Variants in ROR1 observed in about 807,000 individuals in gnomAD.
ROR1 encodes inactive tyrosine-protein kinase transmembrane receptor ROR1.
A neutral mutation model predicts 78.8 loss-of-function variants in ROR1; 19 were observed. The ratio of observed to expected loss-of-function variants is 0.24; its 90% confidence interval spans 0.17 to 0.35. ROR1 has a LOEUF of 0.35. Ranked by LOEUF, ROR1 falls within the 10% of genes least tolerant of loss-of-function variation. The probability of loss-of-function intolerance (pLI) is 1.00; values close to 1 mark genes in which losing one functional copy is unlikely to be tolerated. For missense variants in ROR1, 917 were observed against 1,177.8 expected (o/e 0.78, Z 3.24); for synonymous variants, 386 against 433.6 (o/e 0.89, Z 1.36).
intron 1 of ROR1, among the ~76,000 whole-genome samples, chr1:63,866,581 C>T (rs1460744325): frequency 6.6e-6 from 1 of 152,088 alleles, no homozygotes; most frequent in African/African-American, 2.4e-5. Context: ...AGCTTTCCTC[C>T]TTCCCTTGAA....
At chr1:64,143,462 G>C in intron 7 of ROR1, 6 of 958,334 alleles carry the variant, frequency 6.3e-6, no homozygotes, top group South Asian at 4.8e-5. Flanking sequence ...AGATATCATA[G>C]ATAATGCCAA....
chr1:64,088,305 G>A (rs1317046354), intron 4 of ROR1, among the ~76,000 whole-genome samples: 4 of 152,098 alleles, frequency 2.6e-5, no homozygotes, highest in Non-Finnish European at 5.9e-5. Flanking sequence ...CTTTTGAGGA[G>A]TAACTATTAG....
chr1:63,883,548 C>CTTA (rs2100378293), intron 1 of ROR1, among the ~76,000 whole-genome samples: 1 of 152,274 alleles, frequency 6.6e-6, no homozygotes, highest in East Asian at 1.9e-4. Context: ...ACACAAAAGC[C>CTTA]TTATTTCTCA....
chr1:64,161,117 C>G (rs1373225243), intron 8 of ROR1, among the ~76,000 whole-genome samples: 3 of 152,116 alleles, frequency 2.0e-5, no homozygotes, highest in Non-Finnish European at 4.4e-5. Flanking sequence ...TACAAACTGT[C>G]AAGAACAATA....
At chr1:64,043,751 T>A (rs943795089) in intron 2 of ROR1, among the ~76,000 whole-genome samples, 10 of 152,138 alleles carry the variant, frequency 6.6e-5, no homozygotes, top group African/African-American at 2.4e-4. Context: ...AGGCGTGGGT[T>A]TGGGTCCTGG....
chr1:64,162,756 A>C (rs1054978771), intron 8 of ROR1, among the ~76,000 whole-genome samples: 1 of 152,204 alleles, frequency 6.6e-6, no homozygotes, highest in Non-Finnish European at 1.5e-5. Flanking sequence ...TCTATATTGC[A>C]TTACAAATTT....
chr1:63,897,639 A>T (rs969230894), intron 1 of ROR1, among the ~76,000 whole-genome samples: 1 of 152,220 alleles, frequency 6.6e-6, no homozygotes, highest in African/African-American at 2.4e-5. Context: ...GGTACCCAAC[A>T]GGACATCAGC....
chr1:64,133,227 G>A (rs187660564), intron 4 of ROR1, among the ~76,000 whole-genome samples: 5 of 152,248 alleles, frequency 3.3e-5, no homozygotes, highest in Non-Finnish European at 5.9e-5. Context: ...AGCCATGTCC[G>A]CATCGAAGTG....
intron 1 of ROR1, among the ~76,000 whole-genome samples, chr1:63,895,835 A>AT (rs1461702973): frequency 5.9e-5 from 9 of 151,850 alleles, no homozygotes; most frequent in Admixed American, 5.9e-4. Flanking sequence ...TTTTCTTTCT[A>AT]TTTTGTCTTG....
chr1:64,023,856 T>TGAATTGTAATCC (rs1358884825), intron 2 of ROR1, among the ~76,000 whole-genome samples: 1 of 152,174 alleles, frequency 6.6e-6, no homozygotes. Context: ...AATCTTATCT[T>TGAATTGTAATCC]GAATTGTAAT....
intron 8 of ROR1, among the ~76,000 whole-genome samples, chr1:64,169,517 C>T (rs1477037044): frequency 2.0e-5 from 3 of 152,170 alleles, no homozygotes; most frequent in Non-Finnish European, 4.4e-5. Flanking sequence ...TGGGTCCCTC[C>T]CACACCATAT....
At chr1:64,173,283 C>T (rs1398689130) in intron 8 of ROR1, among the ~76,000 whole-genome samples, 1 of 152,194 alleles carries the variant, frequency 6.6e-6, no homozygotes, top group Non-Finnish European at 1.5e-5. Flanking sequence ...TAGTAAATGA[C>T]TCCTTGGAGA....
At chr1:64,015,701 A>G (rs1646515727) in intron 2 of ROR1, among the ~76,000 whole-genome samples, 1 of 152,264 alleles carries the variant, frequency 6.6e-6, no homozygotes, top group Admixed American at 6.5e-5. Flanking sequence ...GGCACGTGGC[A>G]AGCTGATGAA....
At chr1:63,884,122 T>C (rs1645341245) in intron 1 of ROR1, among the ~76,000 whole-genome samples, 1 of 152,210 alleles carries the variant, frequency 6.6e-6, no homozygotes, top group Non-Finnish European at 1.5e-5. Context: ...ACAGAGTGGC[T>C]GGTCTCATTC....
At chr1:63,959,407 A>G (rs893744220) in intron 1 of ROR1, among the ~76,000 whole-genome samples, 1 of 152,126 alleles carries the variant, frequency 6.6e-6, no homozygotes, top group African/African-American at 2.4e-5. Flanking sequence ...GATTTGATCC[A>G]TGGTTTGGAT....
At chr1:63,963,881 T>C (rs185120464) in intron 1 of ROR1, among the ~76,000 whole-genome samples, 29 of 152,342 alleles carry the variant, frequency 1.9e-4, no homozygotes, top group African/African-American at 6.7e-4. Flanking sequence ...AGCATCCGTC[T>C]TTCTAAGGAT....
chr1:63,846,113 AG>A (rs1158028115), intron 1 of ROR1, among the ~76,000 whole-genome samples: 9 of 143,364 alleles, frequency 6.3e-5, no homozygotes, highest in Non-Finnish European at 9.0e-5. Flanking sequence ...ACAGAGAGAG[AG>A]AGAATGTGTG....
intron 1 of ROR1, among the ~76,000 whole-genome samples, chr1:63,859,028 A>G (rs1645164609): frequency 6.6e-6 from 1 of 152,136 alleles, no homozygotes; most frequent in South Asian, 2.1e-4. Context: ...TTTTTATGGT[A>G]CCTTTGTACA....
chr1:63,789,029 C>T, intron 1 of ROR1: 1 of 631,914 alleles, frequency 1.6e-6, no homozygotes, highest in Non-Finnish European at 3.0e-6. Context: ...TCCACGTGAC[C>T]TTCTCTGGCA....
Sources: gnomAD v4.1 joint callset for allele counts (sites outside exome capture counted in the v4.1 genomes callset) on GRCh38, gnomAD v4.1.1 for gene constraint, MANE v1.5 for transcripts, NCBI Gene and HGNC (gene_info 2026-07-23, HGNC 2026-07-21) for gene names.